WDR70: variants seen among roughly 807,000 people sequenced by gnomAD.
The protein encoded by WDR70 is WD repeat-containing protein 70.
Under a neutral mutation model 88.6 loss-of-function variants are expected in WDR70, and 53 were observed. The ratio of observed to expected loss-of-function variants is 0.60; its 90% CI spans 0.48 to 0.75. The LOEUF is 0.75. WDR70 is among the 30% of genes least tolerant of loss of function. The pLI is 0.00. For synonymous variants in WDR70, 280 were observed against 270.0 expected, an observed-to-expected ratio of 1.04 and a Z score of -0.36; for missense variants, 610 against 823.2, an observed-to-expected ratio of 0.74 and a Z score of 3.17.
intron 5 of WDR70, among the ~76,000 whole-genome samples, chr5:37,421,549 G>A (rs1204218794): frequency 6.6e-6 from 1 of 152,196 alleles, no homozygotes; most frequent in East Asian, 1.9e-4. Flanking sequence ...ACTCACAAAA[G>A]TGGTGTTGAA....
chr5:37,706,914 T>TTATG (rs1322340593), intron 13 of WDR70, among the ~76,000 whole-genome samples: 1 of 152,192 alleles, frequency 6.6e-6, no homozygotes, highest in East Asian at 1.9e-4. Context: ...TTTATGCTTT[T>TTATG]TATGTATTAT....
At chr5:37,698,953 A>C (rs1747063109) in intron 11 of WDR70, among the ~76,000 whole-genome samples, 1 of 152,210 alleles carries the variant, frequency 6.6e-6, no homozygotes, top group Admixed American at 6.5e-5. Flanking sequence ...CATCAATTCT[A>C]ACCTGCTACT....
chr5:37,487,621 A>G (rs1215226224), intron 8 of WDR70, among the ~76,000 whole-genome samples: 1,876 of 37,642 alleles, frequency 0.05, 42 homozygotes, highest in African/African-American at 0.13. Flanking sequence ...ATATATATAT[A>G]TATGTATTTT....
At chr5:37,618,550 A>G (rs1744411853) in intron 10 of WDR70, among the ~76,000 whole-genome samples, 1 of 152,094 alleles carries the variant, frequency 6.6e-6, no homozygotes, top group South Asian at 2.1e-4. Context: ...TCATATTTTT[A>G]GTAGAGATGG....
chr5:37,562,773 C>T (rs1213063451), intron 9 of WDR70, among the ~76,000 whole-genome samples: 2 of 152,058 alleles, frequency 1.3e-5, no homozygotes, highest in Admixed American at 6.5e-5. Context: ...GGTAAGGTCA[C>T]AGATCAACAG....
intron 9 of WDR70, among the ~76,000 whole-genome samples, chr5:37,520,768 A>T (rs1741060608): frequency 6.6e-6 from 1 of 152,222 alleles, no homozygotes; most frequent in South Asian, 2.1e-4. Flanking sequence ...AGATAGGAAG[A>T]AATTACTTAA....
chr5:37,500,880 G>A (rs1740388228), intron 8 of WDR70, among the ~76,000 whole-genome samples: 1 of 151,752 alleles, frequency 6.6e-6, no homozygotes, highest in African/African-American at 2.4e-5. Flanking sequence ...TGGGATTACA[G>A]GTGTGCGCCA....
intron 8 of WDR70, among the ~76,000 whole-genome samples, chr5:37,508,645 C>T (rs1740630716): frequency 6.6e-6 from 1 of 152,100 alleles, no homozygotes; most frequent in Non-Finnish European, 1.5e-5. Context: ...TGGAACAAAG[C>T]CTTCTTGGTT....
chr5:37,616,571 A>G (rs578186841), intron 10 of WDR70, among the ~76,000 whole-genome samples: 1 of 152,242 alleles, frequency 6.6e-6, no homozygotes, highest in African/African-American at 2.4e-5. Flanking sequence ...CCACTATCCA[A>G]CATCCGTTGA....
chr5:37,435,236 T>G (rs1179736148), intron 5 of WDR70, among the ~76,000 whole-genome samples: 2 of 152,216 alleles, frequency 1.3e-5, no homozygotes, highest in African/African-American at 4.8e-5. Context: ...ATCTTTTTGG[T>G]GACAGTATTT....
rs1381962887 is a variant in WDR70, at chr5:37,563,099, C to T, written c.918-41965C>T. On this transcript the variant is annotated intron_variant, in intron 9 of 17. Coordinates refer to ENST00000265107, the MANE Select transcript of WDR70 (RefSeq NM_018034.4). ...GGGCTGACCCCCCCCGCCTCCCTCCCGGACGGGGCGGCTGGCTGGGCGGGG... is the reference window on the plus strand; with the variant it reads ...GGGCTGACCCCCCCCGCCTCCCTCCTGGACGGGGCGGCTGGCTGGGCGGGG... Among the ~76,000 whole-genome samples, 3 of 59,984 alleles carry T rather than the reference C, an allele frequency of 5.0e-5. 1 individual carries two copies. The highest frequency in any genetic ancestry group is 4.5e-4 in the East Asian group (1 of 2,246). The allele number at this position is 59,984 out of a possible 152,430, so 39.4% of individuals were successfully genotyped here. A position where few individuals can be genotyped will look rare whatever the true frequency, so the allele number is the denominator to read the frequency against.
chr5:37,631,213 T>G (rs1744807021), intron 10 of WDR70, among the ~76,000 whole-genome samples: 1 of 152,174 alleles, frequency 6.6e-6, no homozygotes, highest in South Asian at 2.1e-4. Context: ...TTTGTAGCCT[T>G]GGTCCTTTTT....
intron 9 of WDR70, among the ~76,000 whole-genome samples, chr5:37,574,049 A>G (rs1742986296): frequency 6.6e-6 from 1 of 152,188 alleles, no homozygotes; most frequent in Non-Finnish European, 1.5e-5. Flanking sequence ...AGATTGGTCA[A>G]GCCTTCAGAC....
chr5:37,622,538 T>TA (rs1744539226), intron 10 of WDR70, among the ~76,000 whole-genome samples: 1 of 152,174 alleles, frequency 6.6e-6, no homozygotes, highest in African/African-American at 2.4e-5. Context: ...GTGGCACATA[T>TA]ACACCATGGA....
intron 17 of WDR70, among the ~76,000 whole-genome samples, chr5:37,745,813 C>G (rs1748621040): frequency 6.6e-6 from 1 of 152,148 alleles, no homozygotes; most frequent in African/African-American, 2.4e-5. Context: ...GACTTAGACT[C>G]CCACACATTA....
intron 8 of WDR70, among the ~76,000 whole-genome samples, chr5:37,490,984 T>C (rs1740048673): frequency 6.6e-6 from 1 of 152,208 alleles, no homozygotes; most frequent in East Asian, 1.9e-4. Flanking sequence ...GGGTCTGGGC[T>C]CTCAAATTCG....
chr5:37,397,383 C>T (rs1749050342), intron 5 of WDR70, among the ~76,000 whole-genome samples: 1 of 150,544 alleles, frequency 6.6e-6, no homozygotes, highest in Non-Finnish European at 1.5e-5. Context: ...GCAGGAGAAT[C>T]GCTTGAACCT....
chr5:37,441,842 T>C (rs1418406683), intron 6 of WDR70, among the ~76,000 whole-genome samples: 4 of 151,888 alleles, frequency 2.6e-5, no homozygotes, highest in African/African-American at 9.7e-5. Context: ...AAAAAAACCT[T>C]TGATTCTTTT....
At chr5:37,695,533 C>T (rs1746954981) in intron 10 of WDR70, among the ~76,000 whole-genome samples, 1 of 152,162 alleles carries the variant, frequency 6.6e-6, no homozygotes, top group Non-Finnish European at 1.5e-5. Flanking sequence ...TTGGTATGTG[C>T]TCAGGGTCCT....
Sources: allele counts gnomAD v4.1 joint callset (sites outside exome capture counted in the v4.1 genomes callset), GRCh38; gene constraint gnomAD v4.1.1; transcripts MANE v1.5; gene names NCBI Gene and HGNC (gene_info 2026-07-23, HGNC 2026-07-21).